Variants in GMDS observed in about 807,000 individuals in gnomAD.
GMDS encodes the protein GDP-mannose 4,6 dehydratase.
In GMDS, 20 loss-of-function variants were observed where a neutral mutation model predicts 49.9. The ratio of observed to expected loss-of-function variants is 0.40; its 90% CI spans 0.28 to 0.58. GMDS has a LOEUF of 0.58. GMDS is among the 20% of genes least tolerant of loss of function. GMDS has a pLI of 0.42. For synonymous variants in GMDS, 177 were observed against 178.6 expected (o/e 0.99, Z 0.07); for missense variants, 362 against 481.4 (o/e 0.75, Z 2.32).
intron 1 of GMDS, among the ~76,000 whole-genome samples, chr6:2,149,421 C>G (rs1418607777): frequency 2.0e-5 from 3 of 152,122 alleles, no homozygotes; most frequent in African/African-American, 7.2e-5. Flanking sequence ...TTAACTGCCA[C>G]AGAACTCCCA....
intron 7 of GMDS, among the ~76,000 whole-genome samples, chr6:1,888,177 C>T (rs1759704324): frequency 2.1e-5 from 3 of 145,890 alleles, no homozygotes; most frequent in South Asian, 2.1e-4. Context: ...TGCTGTGTTG[C>T]CCAGGCTGGT....
intron 7 of GMDS, among the ~76,000 whole-genome samples, chr6:1,752,027 G>T (rs1335882943): frequency 2.0e-5 from 3 of 152,182 alleles, no homozygotes; most frequent in African/African-American, 7.2e-5. Context: ...ACTGGACAGA[G>T]AATGAGTTTG....
chr6:2,098,146 G>A (rs1969668), intron 4 of GMDS, among the ~76,000 whole-genome samples: 37,518 of 151,946 alleles, frequency 0.25, 5,550 homozygotes, highest in East Asian at 0.48. Context: ...TGCAACCTCC[G>A]TCTCCCAGGT....
intron 4 of GMDS, among the ~76,000 whole-genome samples, chr6:1,990,022 C>T (rs758647085): frequency 2.0e-5 from 3 of 152,238 alleles, no homozygotes; most frequent in Non-Finnish European, 2.9e-5. Context: ...ATAGGCTGGG[C>T]GCAATGGCTC....
intron 1 of GMDS, among the ~76,000 whole-genome samples, chr6:2,141,058 T>C (rs1182997256): frequency 6.6e-6 from 1 of 152,140 alleles, no homozygotes; most frequent in Non-Finnish European, 1.5e-5. Context: ...TAGAGAGCAA[T>C]ATTCAAATGG....
At chr6:1,952,063 G>A (rs761530944) in intron 6 of GMDS, 30 of 917,116 alleles carry the variant, frequency 3.3e-5, no homozygotes, top group South Asian at 3.0e-4. Flanking sequence ...TCTGGTCTCC[G>A]TGTTAGCATT....
chr6:2,171,315 T>C (rs1777995513), intron 1 of GMDS, among the ~76,000 whole-genome samples: 1 of 152,198 alleles, frequency 6.6e-6, no homozygotes, highest in Non-Finnish European at 1.5e-5. Context: ...AGTAATTTGT[T>C]TAACATTTTC....
chr6:1,819,503 G>A (rs1247422267), intron 7 of GMDS, among the ~76,000 whole-genome samples: 1 of 152,054 alleles, frequency 6.6e-6, no homozygotes, highest in South Asian at 2.1e-4. Context: ...GCTCCTGCCT[G>A]TAATCCCAGC....
intron 4 of GMDS, among the ~76,000 whole-genome samples, chr6:2,088,557 ATC>A (rs1773141784): frequency 6.6e-6 from 1 of 152,128 alleles, no homozygotes; most frequent in Non-Finnish European, 1.5e-5. Context: ...TAGTTTCCTG[ATC>A]TCTCTTTTTT....
At chr6:1,672,685 G>C (rs116214866) in intron 9 of GMDS, among the ~76,000 whole-genome samples, 108 of 152,314 alleles carry the variant, frequency 7.1e-4, no homozygotes, top group African/African-American at 2.5e-3. Flanking sequence ...ACCAGACTGG[G>C]TACCTTTCCA....
chr6:2,170,201 C>T (rs1777909283), intron 1 of GMDS, among the ~76,000 whole-genome samples: 1 of 139,590 alleles, frequency 7.2e-6, no homozygotes, highest in Non-Finnish European at 1.5e-5. Context: ...GAAACTACAT[C>T]TCAAAAAAAA....
intron 4 of GMDS, among the ~76,000 whole-genome samples, chr6:2,055,603 T>C: frequency 6.6e-6 from 1 of 152,142 alleles, no homozygotes; most frequent in East Asian, 1.9e-4. Flanking sequence ...TAGGTTAGCA[T>C]TTAGGGCTGA....
At chr6:2,214,378 G>GA (rs1225078339) in intron 1 of GMDS, among the ~76,000 whole-genome samples, 4 of 151,708 alleles carry the variant, frequency 2.6e-5, no homozygotes, top group Admixed American at 1.3e-4. Flanking sequence ...AAATATGAGG[G>GA]AAAAAAAATG....
chr6:1,684,719 C>A (rs1288788452), intron 9 of GMDS, among the ~76,000 whole-genome samples: 1 of 152,176 alleles, frequency 6.6e-6, no homozygotes, highest in Admixed American at 6.5e-5. Flanking sequence ...TGGAGATGGT[C>A]CTGTCTTGGC....
chr6:1,646,689 T>A (rs925571497), intron 9 of GMDS, among the ~76,000 whole-genome samples: 1 of 152,210 alleles, frequency 6.6e-6, no homozygotes, highest in Admixed American at 6.5e-5. Flanking sequence ...CAGCCCAGTA[T>A]CTTTCAATAT....
chr6:1,891,805 T>C (rs9392342), intron 7 of GMDS, among the ~76,000 whole-genome samples: 76,539 of 152,052 alleles, frequency 0.5, 20,918 homozygotes, highest in Non-Finnish European at 0.61. Context: ...GTCATTCCTA[T>C]GCACACTAGA....
rs1763297173 is a variant in GMDS at position 1,640,510 on chromosome 6, CT to C, written c.988-15971del. On this transcript the variant is annotated intron_variant, in intron 9 of 10. Coordinates refer to ENST00000380815, the MANE Select transcript of GMDS (RefSeq NM_001500.4). This position sits in a 1 kb window ranked among gnomAD's most constrained non-coding sequence, Gnocchi z 4.0. ...GCCTTGAACCTCCCTGACCTCTCTG[CT>C]GAGCGGCTCTCTGAGGCTATCCCAT... 6.6e-6 allele frequency among the ~76,000 whole-genome samples: 1 copy of C among 152,214 alleles called. No homozygotes were observed. Among genetic ancestry groups the C allele is most frequent in the Non-Finnish European group, 1.5e-5 (1 of 68,038 alleles).
chr6:1,901,596 T>C (rs1334091780), intron 7 of GMDS, among the ~76,000 whole-genome samples: 2 of 152,146 alleles, frequency 1.3e-5, no homozygotes, highest in Non-Finnish European at 2.9e-5. Flanking sequence ...TTCCAAAAAT[T>C]CTTATATGCT....
At chr6:1,978,382 C>T (rs1765037020) in intron 4 of GMDS, among the ~76,000 whole-genome samples, 1 of 152,178 alleles carries the variant, frequency 6.6e-6, no homozygotes, top group Non-Finnish European at 1.5e-5. Flanking sequence ...GGGCCACCAC[C>T]TGGGTTGGTT....
Sources: allele counts gnomAD v4.1 joint callset (sites outside exome capture counted in the v4.1 genomes callset), GRCh38; gene constraint gnomAD v4.1.1; non-coding constraint Gnocchi (gnomAD v3.1); transcripts MANE v1.5; gene names NCBI Gene and HGNC (gene_info 2026-07-23, HGNC 2026-07-21).